The following SEMA3C variants were observed in gnomAD, a reference collection of about 807,000 sequenced individuals.
SEMA3C encodes semaphorin 3C.
SEMA3C carries 47 observed loss-of-function variants against 89.4 expected under a neutral mutation model. The ratio of observed to expected loss-of-function variants is 0.53; its 90% CI spans 0.42 to 0.67. The LOEUF is 0.67. Among genes scored for constraint, SEMA3C ranks in the 30% least tolerant of loss-of-function variants. SEMA3C has a pLI of 0.00. For missense variants in SEMA3C, 839 were observed against 929.1 expected (o/e 0.90, Z 1.26); for synonymous variants, 310 against 320.2 (o/e 0.97, Z 0.34).
intron 2 of SEMA3C, among the ~76,000 whole-genome samples, chr7:80,869,039 C>A (rs1583961199): frequency 6.6e-6 from 1 of 152,048 alleles, no homozygotes; most frequent in Non-Finnish European, 1.5e-5. Context: ...GCATAATATG[C>A]CTTACATATT....
intron 12 of SEMA3C, 151 bp downstream of exon 12, chr7:80,789,155 A>T: frequency 1.7e-6 from 1 of 578,462 alleles, no homozygotes; most frequent in Non-Finnish European, 3.0e-6. Flanking sequence ...TGTGAAACTG[A>T]GGCAAAAAGA....
chr7:80,770,567 T>C (rs1473042669), intron 12 of SEMA3C, among the ~76,000 whole-genome samples: 3 of 152,228 alleles, frequency 2.0e-5, no homozygotes, highest in Non-Finnish European at 4.4e-5. Flanking sequence ...TAAAAATCCA[T>C]TAAGCTAAGG....
intron 14 of SEMA3C, among the ~76,000 whole-genome samples, chr7:80,760,260 T>C (rs961935131): frequency 2.6e-5 from 4 of 152,198 alleles, no homozygotes; most frequent in African/African-American, 9.6e-5. Context: ...AAGACAGATG[T>C]AATACATAAC....
chr7:80,867,806 T>C (rs1363376422), intron 2 of SEMA3C, among the ~76,000 whole-genome samples: 1 of 152,094 alleles, frequency 6.6e-6, no homozygotes, highest in Non-Finnish European at 1.5e-5. Context: ...ACAAAATATG[T>C]AATGCAAATG....
At chr7:80,770,776 C>G (rs1788414047) in intron 12 of SEMA3C, among the ~76,000 whole-genome samples, 1 of 152,200 alleles carries the variant, frequency 6.6e-6, no homozygotes, top group African/African-American at 2.4e-5. Flanking sequence ...AGGAACTGAC[C>G]TAGAAAAGAG....
chr7:80,754,392 A>G (rs1446987298), intron 15 of SEMA3C, among the ~76,000 whole-genome samples: 1 of 152,164 alleles, frequency 6.6e-6, no homozygotes, highest in African/African-American at 2.4e-5. Context: ...TATTTCTATG[A>G]AATCCTCTAA....
At chr7:80,902,291 T>C (rs73709361) in intron 2 of SEMA3C, among the ~76,000 whole-genome samples, 2,692 of 152,268 alleles carry the variant, frequency 0.018, 83 homozygotes, top group African/African-American at 0.06. Context: ...AGATGACATA[T>C]CCTTTCTAGC....
At chr7:80,750,463 TATATATATATACACACAC>T (rs1787903025) in intron 16 of SEMA3C, among the ~76,000 whole-genome samples, 1 of 72,056 alleles carries the variant, frequency 1.4e-5, no homozygotes, top group African/African-American at 5.5e-5. Context: ...TATATATATA[TATATATATATACACACAC>T]ACACACACAC....
intron 4 of SEMA3C, among the ~76,000 whole-genome samples, chr7:80,824,688 G>T (rs1336455677): frequency 1.3e-5 from 2 of 152,084 alleles, no homozygotes; most frequent in African/African-American, 4.8e-5. Flanking sequence ...AGTGGCTAAG[G>T]GTACAGAATC....
intron 2 of SEMA3C, among the ~76,000 whole-genome samples, chr7:80,863,846 A>ATACGTATG (rs147736035): frequency 8.8e-6 from 1 of 113,426 alleles, no homozygotes. Flanking sequence ...TATATATCAC[A>ATACGTATG]TATCACATAC....
chr7:80,835,319 C>T (rs1790100901), intron 2 of SEMA3C, among the ~76,000 whole-genome samples: 1 of 152,152 alleles, frequency 6.6e-6, no homozygotes, highest in Non-Finnish European at 1.5e-5. Context: ...CACTGCTTAC[C>T]TAACATTCTG....
At position 80,916,657 on chromosome 7, in the gene SEMA3C, G is replaced by C. The variant is rs1162217914; in HGVS notation, c.103+22C>G. On this transcript the variant is annotated intron_variant, in intron 2 of 17. Coordinates refer to ENST00000265361, the MANE Select transcript of SEMA3C (RefSeq NM_006379.5). ...AAAACTTAAAATAACATTTTTCCCA[G>C]AGTGTTTATCAACTCTCTTACCATC... 6.9e-6 allele frequency: 11 copies of C among 1,587,760 alleles called. No homozygotes were observed. The Admixed American group carries it at 1.6e-4, about 24-fold the overall frequency.
intron 2 of SEMA3C, among the ~76,000 whole-genome samples, chr7:80,852,528 A>G (rs185356142): frequency 6.6e-6 from 1 of 152,346 alleles, no homozygotes; most frequent in African/African-American, 2.4e-5. Flanking sequence ...CAATCAACAA[A>G]GTGAAGAGAA....
chr7:80,901,434 A>G (rs1420309282), intron 2 of SEMA3C, among the ~76,000 whole-genome samples: 1 of 152,192 alleles, frequency 6.6e-6, no homozygotes, highest in Non-Finnish European at 1.5e-5. Context: ...AGTTTCCTAA[A>G]TCAGATATTG....
chr7:80,786,095 C>T (rs1331141797), intron 12 of SEMA3C, among the ~76,000 whole-genome samples: 6 of 152,182 alleles, frequency 3.9e-5, no homozygotes, highest in Admixed American at 3.9e-4. Context: ...AGGATGGGAT[C>T]CTCAAGAGAC....
At chr7:80,804,427 C>T (rs1006464263) in intron 7 of SEMA3C, among the ~76,000 whole-genome samples, 179 bp from the exon 8 acceptor site, 5 of 152,012 alleles carry the variant, frequency 3.3e-5, no homozygotes, top group Admixed American at 3.3e-4. Context: ...TTTGGAATGT[C>T]GAGTACCACA....
chr7:80,891,684 G>C (rs1191471634), intron 2 of SEMA3C, among the ~76,000 whole-genome samples: 1 of 151,958 alleles, frequency 6.6e-6, no homozygotes, highest in Non-Finnish European at 1.5e-5. Flanking sequence ...ATTGAGTCCT[G>C]GGGGAAAATA....
intron 4 of SEMA3C, among the ~76,000 whole-genome samples, chr7:80,825,181 CT>C (rs1047938091): frequency 3.9e-5 from 6 of 152,080 alleles, no homozygotes; most frequent in Non-Finnish European, 5.9e-5. Context: ...TGCTACAGGA[CT>C]TTTTTTTCCC....
At chr7:80,758,931 GA>G (rs1788126100) in intron 14 of SEMA3C, among the ~76,000 whole-genome samples, 1 of 151,848 alleles carries the variant, frequency 6.6e-6, no homozygotes, top group South Asian at 2.1e-4. Flanking sequence ...AGTTTAGAAG[GA>G]AAAAATGGTA....
Sources: allele counts gnomAD v4.1 joint callset (sites outside exome capture counted in the v4.1 genomes callset), GRCh38; gene constraint gnomAD v4.1.1; transcripts MANE v1.5; gene names NCBI Gene and HGNC (gene_info 2026-07-23, HGNC 2026-07-21).